The following CAMK1D variants were observed in gnomAD, a reference collection of about 807,000 sequenced individuals.
CAMK1D encodes the protein calcium/calmodulin dependent protein kinase ID.
CAMK1D carries 9 observed loss-of-function variants against 47.7 expected under a neutral mutation model. The observed-to-expected ratio is 0.19, with a 90% confidence interval of 0.11 to 0.33. CAMK1D has a LOEUF of 0.33. Ranked by LOEUF, CAMK1D falls within the 10% of genes least tolerant of loss-of-function variation. The pLI, the probability that CAMK1D is intolerant of heterozygous loss-of-function variation, is 1.00. For missense variants in CAMK1D, 291 were observed against 488.7 expected, an observed-to-expected ratio of 0.60 and a Z score of 3.81; for synonymous variants, 184 against 184.9, an observed-to-expected ratio of 0.99 and a Z score of 0.04.
At position 12,685,035 on chromosome 10, in the gene CAMK1D, C is replaced by T. The variant is rs541398350; in HGVS notation, c.299+18225C>T. On this transcript the variant is annotated intron_variant, in intron 3 of 10. Transcript: ENST00000619168. ...TTAACAACAGCCATTACTGGCTGGG[C>T]GCGGTGGCTCACGCCAACACTTTGG... Among the ~76,000 whole-genome samples, 21 of 152,166 alleles carry T rather than the reference C, an allele frequency of 1.4e-4. 1 individual carries two copies. The highest frequency in any genetic ancestry group is 7.8e-4 in the Admixed American group (12 of 15,288).
intron 1 of CAMK1D, among the ~76,000 whole-genome samples, chr10:12,527,335 C>G (rs1259671790): frequency 6.7e-6 from 1 of 148,310 alleles, no homozygotes; most frequent in Non-Finnish European, 1.5e-5. Flanking sequence ...GGGTGCGGTT[C>G]CTTGACTTGA....
intron 1 of CAMK1D, among the ~76,000 whole-genome samples, chr10:12,428,996 A>T (rs1840347365): frequency 1.3e-5 from 2 of 152,178 alleles, no homozygotes; most frequent in Admixed American, 1.3e-4. Context: ...TGTGTGGTTT[A>T]TGAGCCACCA....
At chr10:12,398,839 T>G (rs1839068231) in intron 1 of CAMK1D, among the ~76,000 whole-genome samples, 2 of 152,114 alleles carry the variant, frequency 1.3e-5, no homozygotes, top group South Asian at 4.1e-4. Context: ...GATTACTCAT[T>G]GCTGGGATAA....
chr10:12,376,488 G>A (rs1415826806), intron 1 of CAMK1D, among the ~76,000 whole-genome samples: 2 of 152,102 alleles, frequency 1.3e-5, no homozygotes, highest in South Asian at 2.1e-4. Flanking sequence ...CTCCACCACC[G>A]GCCAGTGGTC....
intron 5 of CAMK1D, among the ~76,000 whole-genome samples, chr10:12,773,958 A>G (rs1837158215): frequency 6.6e-6 from 1 of 151,796 alleles, no homozygotes; most frequent in African/African-American, 2.4e-5. Context: ...CCTCAGTATT[A>G]TGAGAGAGAA....
At chr10:12,523,619 C>T (rs1209359319) in intron 1 of CAMK1D, among the ~76,000 whole-genome samples, 2 of 152,214 alleles carry the variant, frequency 1.3e-5, no homozygotes, top group African/African-American at 2.4e-5. Context: ...GCGGATCACG[C>T]CTGCAATCGC....
intron 2 of CAMK1D, among the ~76,000 whole-genome samples, chr10:12,606,288 T>C (rs1838460108): frequency 6.6e-6 from 1 of 152,140 alleles, no homozygotes; most frequent in African/African-American, 2.4e-5. Flanking sequence ...GGACAGACAG[T>C]TCAGGAGTCA....
In CAMK1D at chr10:12,716,017, G is replaced by C. The variant is rs60468805; in HGVS notation, c.300-44931G>C. 3.9e-4 allele frequency among the ~76,000 whole-genome samples: 60 copies of C among 152,034 alleles called. No homozygotes were observed. The East Asian group carries it at 9.9e-3, about 25-fold the overall frequency. ...TGAGCCACTGCGCCCGGCCCATTTT[G>C]CTTATTTTAATAAATTCAGTAAATA... On this transcript the variant is annotated intron_variant, in intron 3 of 10. Transcript: ENST00000619168.
chr10:12,374,942 CAAA>C (rs71384315), intron 1 of CAMK1D, among the ~76,000 whole-genome samples: 1,620 of 94,542 alleles, frequency 0.017, 23 homozygotes, highest in East Asian at 0.057. Context: ...GACTCCGTCT[CAAA>C]AAAAAAAAAA....
At chr10:12,723,267 ATTG>A (rs1834476134) in intron 3 of CAMK1D, among the ~76,000 whole-genome samples, 1 of 152,196 alleles carries the variant, frequency 6.6e-6, no homozygotes, top group Non-Finnish European at 1.5e-5. Context: ...GAACGGGAGA[ATTG>A]TAGAATTTTT....
At chr10:12,759,469 T>C (rs1836396368) in intron 3 of CAMK1D, among the ~76,000 whole-genome samples, 1 of 152,140 alleles carries the variant, frequency 6.6e-6, no homozygotes, top group African/African-American at 2.4e-5. Context: ...TTGAAACTTG[T>C]TGGGGGAAGG....
At chr10:12,355,673 G>C (rs752112649) in intron 1 of CAMK1D, among the ~76,000 whole-genome samples, 1 of 152,156 alleles carries the variant, frequency 6.6e-6, no homozygotes, top group Admixed American at 6.5e-5. Context: ...CTCCCCGAGG[G>C]TATCCCCGCT....
intron 2 of CAMK1D, among the ~76,000 whole-genome samples, chr10:12,604,813 C>T (rs1228948100): frequency 1.3e-5 from 2 of 151,998 alleles, no homozygotes; most frequent in African/African-American, 4.8e-5. Flanking sequence ...CTTAGTTGAC[C>T]AAAGCACCCT....
At chr10:12,470,209 T>C (rs1035993928) in intron 1 of CAMK1D, among the ~76,000 whole-genome samples, 3 of 152,238 alleles carry the variant, frequency 2.0e-5, no homozygotes, top group African/African-American at 7.2e-5. Flanking sequence ...TGGCTTTCTA[T>C]ATGGTATATT....
Position 12,791,140 on chromosome 10 carries a change from T to C in CAMK1D, c.566-18T>C. 1.2e-6 allele frequency: 2 copies of C among 1,613,544 alleles called. No homozygotes were observed. The highest frequency in any genetic ancestry group is 1.7e-6 in the Non-Finnish European group (2 of 1,179,566). On this transcript the variant is annotated intron_variant, in intron 5 of 10. Transcript: ENST00000619168. ...CATGTAAATTGTCAGGCTGTGTCTT[T>C]TCTTTGTCTTTCTGCAGCTCCTGAA...
rs1174063484 is a variant in CAMK1D at position 12,349,920 on chromosome 10, G to A, written c.92+10G>A. On this transcript the variant is annotated intron_variant, in intron 1 of 10. Coordinates refer to ENST00000619168, the MANE Select transcript of CAMK1D (RefSeq NM_153498.4). ...AAGAGACCCTCGGAACGTAAGTGGG[G>A]ACCGGGGAGGCGAGGGTGGAGGTGG... The A allele has an allele frequency of 6.6e-7, 1 of 1,521,240 alleles. No individual in the cohort carries two copies. The highest frequency in any genetic ancestry group is 8.9e-7 in the Non-Finnish European group (1 of 1,126,464). The allele number at this position is 1,521,240 out of a possible 1,614,324, so 94.2% of individuals were successfully genotyped here.
chr10:12,816,834 T>C (rs969630166), intron 8 of CAMK1D, among the ~76,000 whole-genome samples: 1 of 141,122 alleles, frequency 7.1e-6, no homozygotes, highest in Non-Finnish European at 1.5e-5. Flanking sequence ...ATCGCACCAT[T>C]GCACTCCAGC....
chr10:12,621,868 T>A (rs955175304), intron 2 of CAMK1D, among the ~76,000 whole-genome samples: 2 of 152,104 alleles, frequency 1.3e-5, no homozygotes, highest in Non-Finnish European at 2.9e-5. Context: ...GTGTTAACCT[T>A]CTATGTTAGA....
intron 1 of CAMK1D, among the ~76,000 whole-genome samples, chr10:12,385,738 A>G (rs1588428359): frequency 1.0e-5 from 1 of 98,422 alleles, no homozygotes; most frequent in Admixed American, 1.2e-4. Context: ...ATTGAATTGT[A>G]CTTTTTTTTT....
Sources: allele counts gnomAD v4.1 joint callset (sites outside exome capture counted in the v4.1 genomes callset), GRCh38; gene constraint gnomAD v4.1.1; transcripts MANE v1.5; gene names NCBI Gene and HGNC (gene_info 2026-07-23, HGNC 2026-07-21).